Variants in RPRD1B observed in about 807,000 individuals in gnomAD.
RPRD1B encodes regulation of nuclear pre-mRNA domain containing 1B.
Under a neutral mutation model 41.5 loss-of-function variants are expected in RPRD1B, and 11 were observed. The ratio of observed to expected loss-of-function variants is 0.27; its 90% CI spans 0.17 to 0.44. RPRD1B has a LOEUF of 0.44. RPRD1B is among the 20% of genes least tolerant of loss of function. The pLI, the probability that RPRD1B is intolerant of heterozygous loss-of-function variation, is 1.00. For missense variants in RPRD1B, 248 were observed against 389.9 expected, an observed-to-expected ratio of 0.64 and a Z score of 3.06; for synonymous variants, 158 against 155.6, an observed-to-expected ratio of 1.02 and a Z score of -0.12.
At position 38,091,268 on chromosome 20, in the gene RPRD1B, G is replaced by A; in HGVS notation, c.*1393G>A. 1 of 985,756 alleles carries A rather than the reference G, an allele frequency of 1.0e-6. No homozygotes were observed. Among genetic ancestry groups the A allele is most frequent in the South Asian group, 4.7e-5 (1 of 21,288 alleles). The allele number at this position is 985,756 out of a possible 1,614,324, so 61.1% of individuals were successfully genotyped here. On this transcript the variant is annotated 3_prime_UTR_variant, in exon 7 of 7. Transcript: ENST00000373433. ...GGCTTTGTAATCTCCATTAATTTGT[G>A]TTGCTACTTCCAGGATCACCAAAAA...
Position 38,090,701 on chromosome 20 carries a change from T to G in RPRD1B, c.*826T>G. On this transcript the variant is annotated 3_prime_UTR_variant, in exon 7 of 7. Transcript: ENST00000373433. ...AGGCAGTTGTTAGGGATGGCAGGCATTGGTGGGCTCCAAAAGATGAAGGCC... is the reference window on the plus strand; with the variant it reads ...AGGCAGTTGTTAGGGATGGCAGGCAGTGGTGGGCTCCAAAAGATGAAGGCC... 1.0e-6 allele frequency: 1 copy of G among 985,496 alleles called. No homozygotes were observed. The highest frequency in any genetic ancestry group is 1.2e-6 in the Non-Finnish European group (1 of 829,970). 61.0% of individuals were successfully genotyped at this position (985,496 alleles called of 1,614,324 possible).
chr20:38,039,406 CCT>C (rs2074039605), intron 1 of RPRD1B, among the ~76,000 whole-genome samples: 2 of 150,330 alleles, frequency 1.3e-5, no homozygotes. Context: ...TTACAAGAAA[CCT>C]TTTTTTTTTT....
At chr20:38,077,035 A>T (rs985298622) in intron 6 of RPRD1B, among the ~76,000 whole-genome samples, 15 of 146,136 alleles carry the variant, frequency 1.0e-4, no homozygotes, top group Non-Finnish European at 1.6e-4. Context: ...CTTCTGCCTC[A>T]GCCTCCTGAG....
At chr20:38,043,856 T>G (rs989860657) in intron 2 of RPRD1B, among the ~76,000 whole-genome samples, 1 of 152,170 alleles carries the variant, frequency 6.6e-6, no homozygotes, top group Admixed American at 6.5e-5. Context: ...TCACGAGTTT[T>G]GTTTTGGCCA....
chr20:38,065,797 T>C lies in RPRD1B; in HGVS notation c.656-284T>C, dbSNP rs1306665908. On this transcript the variant is annotated intron_variant, in intron 5 of 6. Coordinates refer to ENST00000373433, the MANE Select transcript of RPRD1B (RefSeq NM_021215.4). ...CTTCAATATCTCTTTATGCTTGTTT[T>C]GTCAGGAGAGCTTTTGCAGGAACAG... 1.8e-5 allele frequency: 5 copies of C among 272,910 alleles called. No individual in the cohort carries two copies. In the East Asian group the frequency reaches 3.5e-4, roughly 19 times the overall value. The allele number at this position is 272,910 out of a possible 1,614,324, so 16.9% of individuals were successfully genotyped here.
At chr20:38,087,879 C>T (rs142589440) in intron 6 of RPRD1B, among the ~76,000 whole-genome samples, 16 of 152,084 alleles carry the variant, frequency 1.1e-4, no homozygotes, top group Admixed American at 2.6e-4. Flanking sequence ...CTCATTCATT[C>T]GGCACATGTG....
chr20:38,072,828 T>A (rs573180089), intron 6 of RPRD1B, among the ~76,000 whole-genome samples: 1 of 152,142 alleles, frequency 6.6e-6, no homozygotes, highest in Non-Finnish European at 1.5e-5. Context: ...CTAGAAGATA[T>A]GAGTATTTTG....
chr20:38,086,048 C>T (rs2074558104), intron 6 of RPRD1B, among the ~76,000 whole-genome samples: 1 of 152,084 alleles, frequency 6.6e-6, no homozygotes, highest in African/African-American at 2.4e-5. Context: ...TGTTCGGGCA[C>T]AAGTGATCCA....
chr20:38,091,348 C>T lies in RPRD1B; in HGVS notation c.*1473C>T. ...TGAAACATAACCTATGTTTATAAAGCATAACGGGCTTCCCTTCCAGAAGCT... is the reference window on the plus strand; with the variant it reads ...TGAAACATAACCTATGTTTATAAAGTATAACGGGCTTCCCTTCCAGAAGCT... On this transcript the variant is annotated 3_prime_UTR_variant, in exon 7 of 7. Coordinates refer to ENST00000373433, the MANE Select transcript of RPRD1B (RefSeq NM_021215.4). 1.0e-6 allele frequency: 1 copy of T among 985,396 alleles called. No homozygotes were observed. The highest frequency in any genetic ancestry group is 1.2e-6 in the Non-Finnish European group (1 of 829,804). The allele number at this position is 985,396 out of a possible 1,614,324, so 61.0% of individuals were successfully genotyped here.
chr20:38,070,408 G>A (rs2074399979), intron 6 of RPRD1B: 15 of 985,460 alleles, frequency 1.5e-5, no homozygotes, highest in African/African-American at 1.7e-5. Context: ...AATGTGGAGG[G>A]TATAGAAGAA....
At chr20:38,054,488 A>T (rs1458441432) in intron 3 of RPRD1B, among the ~76,000 whole-genome samples, 1 of 152,198 alleles carries the variant, frequency 6.6e-6, no homozygotes, top group Non-Finnish European at 1.5e-5. Context: ...ATAACTCCAG[A>T]TAATGAGGCT....
chr20:38,088,691 C>G (rs1193846588), intron 6 of RPRD1B, among the ~76,000 whole-genome samples: 2 of 152,146 alleles, frequency 1.3e-5, no homozygotes, highest in Non-Finnish European at 2.9e-5. Context: ...AAAATATGCC[C>G]CATTCCTATC....
At position 38,035,702 on chromosome 20, in the gene RPRD1B, G is replaced by C. The variant is rs76197212; in HGVS notation, c.151+1604G>C. The stretch of plus-strand genomic sequence containing the variant: ...GTGTGCTGAAATGTGAATTGCCACT[G>C]TACAGAATTCTATTGGGTGGGACCT... On this transcript the variant is annotated intron_variant, in intron 1 of 6. Transcript: ENST00000373433. 6.5e-3 allele frequency among the ~76,000 whole-genome samples: 991 copies of C among 151,992 alleles called. 15 individuals carry two copies. Among genetic ancestry groups the C allele is most frequent in the African/African-American group, 0.022 (931 of 41,454 alleles).
intron 5 of RPRD1B, among the ~76,000 whole-genome samples, chr20:38,063,244 T>TC (rs1271773765): frequency 6.6e-6 from 1 of 152,050 alleles, no homozygotes; most frequent in African/African-American, 2.4e-5. Context: ...AAAATGTTGA[T>TC]CCCCCCCACC....
At chr20:38,070,179 A>C (rs1386725038) in intron 6 of RPRD1B, 2 of 984,152 alleles carry the variant, frequency 2.0e-6, no homozygotes, top group African/African-American at 1.8e-5. Flanking sequence ...CTTTATTCTG[A>C]GATAATCATC....
In RPRD1B at chr20:38,059,501, T is replaced by G. The variant is rs762162325; in HGVS notation, c.636T>G (p.Ser212=). 1 of 1,613,990 alleles carries G rather than the reference T, an allele frequency of 6.2e-7. No individual in the cohort carries two copies. The highest frequency in any genetic ancestry group is 1.7e-5 in the Admixed American group (1 of 60,018). ...ASLPQEVQDV[S]LLEKITDKEA... is the part of the protein sequence containing the mutation. ...TGCCCCAGGAAGTGCAAGATGTTTCTCTATTGGAAAAAATAACAGGTGAGA... is the reference window on the plus strand; with the variant it reads ...TGCCCCAGGAAGTGCAAGATGTTTCGCTATTGGAAAAAATAACAGGTGAGA... The change falls in exon 5 of 7, where the codon TCT becomes TCG. Residue 212 remains serine (S), a synonymous_variant. Coordinates refer to ENST00000373433, the MANE Select transcript of RPRD1B (RefSeq NM_021215.4).
At chr20:38,077,615 G>GCC (rs1220517087) in intron 6 of RPRD1B, among the ~76,000 whole-genome samples, 2 of 152,126 alleles carry the variant, frequency 1.3e-5, no homozygotes, top group Non-Finnish European at 2.9e-5. Flanking sequence ...ACGCCAGTGT[G>GCC]GTTTTTGCTC....
At chr20:38,054,214 A>C (rs369645953) in intron 3 of RPRD1B, among the ~76,000 whole-genome samples, 1 of 152,186 alleles carries the variant, frequency 6.6e-6, no homozygotes, top group East Asian at 1.9e-4. Flanking sequence ...GGTCAGTGAA[A>C]GTGTTCGTAA....
chr20:38,061,292 C>T (rs1002194973), intron 5 of RPRD1B, among the ~76,000 whole-genome samples: 8 of 152,222 alleles, frequency 5.3e-5, no homozygotes, highest in African/African-American at 1.4e-4. Context: ...TCATTTTTCA[C>T]TTCCCATATC....
Sources: allele counts gnomAD v4.1 joint callset (sites outside exome capture counted in the v4.1 genomes callset), GRCh38; gene constraint gnomAD v4.1.1; transcripts MANE v1.5; gene names NCBI Gene and HGNC (gene_info 2026-07-23, HGNC 2026-07-21).